The following PIK3R6 variants were observed in gnomAD, a reference collection of about 807,000 sequenced individuals.
The protein encoded by PIK3R6 is phosphoinositide 3-kinase regulatory subunit 6.
In PIK3R6, 91 loss-of-function variants were observed where a neutral mutation model predicts 84.9. The observed-to-expected ratio is 1.07, with a 90% CI of 0.90 to 1.28. PIK3R6 has a LOEUF of 1.28. PIK3R6 is among the 50% of genes most tolerant of loss of function. The pLI, the probability that PIK3R6 is intolerant of heterozygous loss-of-function variation, is 0.00. For missense variants in PIK3R6, 996 were observed against 985.1 expected (o/e 1.01, Z -0.15); for synonymous variants, 416 against 411.4 (o/e 1.01, Z -0.13).
chr17:8,826,598 A>G (rs1433119746), intron 13 of PIK3R6, among the ~76,000 whole-genome samples: 1 of 152,124 alleles, frequency 6.6e-6, no homozygotes, highest in African/African-American at 2.4e-5. Context: ...GGACACAGGG[A>G]GTGGAACATC....
At chr17:8,817,923 C>CA (rs2087596034) in intron 18 of PIK3R6, among the ~76,000 whole-genome samples, 2 of 142,522 alleles carry the variant, frequency 1.4e-5, no homozygotes, top group Admixed American at 7.0e-5. Context: ...TTTTTTTTTC[C>CA]TTTTTTTTTT....
intron 2 of PIK3R6, among the ~76,000 whole-genome samples, chr17:8,846,177 A>G (rs895207221): frequency 1.3e-5 from 2 of 152,146 alleles, no homozygotes; most frequent in African/African-American, 2.4e-5. Flanking sequence ...TCTTCTGCAT[A>G]TGGCTAGCCA....
chr17:8,837,989 G>C, intron 4 of PIK3R6, 118 bp from the exon 5 acceptor site: 1 of 814,882 alleles, frequency 1.2e-6, no homozygotes, highest in Non-Finnish European at 2.1e-6. Flanking sequence ...CAGGGGGAGA[G>C]CAAAGGGCCA....
intron 9 of PIK3R6, among the ~76,000 whole-genome samples, chr17:8,831,330 A>AAAC (rs1196981896): frequency 7.5e-6 from 1 of 133,152 alleles, no homozygotes; most frequent in African/African-American, 2.8e-5. Flanking sequence ...ACCCTGTCTA[A>AAAC]AAAAAAAAAA....
At position 8,839,861 on chromosome 17, in the gene PIK3R6, A is replaced by G. The variant is rs2088615616; in HGVS notation, c.14-164T>C. Among the ~76,000 whole-genome samples the G allele has an allele frequency of 6.6e-6, 1 of 152,218 alleles. No homozygotes were observed. The highest frequency in any genetic ancestry group is 1.5e-5 in the Non-Finnish European group (1 of 68,040). On this transcript the variant is annotated intron_variant, in intron 2 of 19. Coordinates refer to ENST00000619866, the MANE Select transcript of PIK3R6 (RefSeq NM_001010855.4). This position sits in a 1 kb window ranked among gnomAD's most constrained non-coding sequence, Gnocchi z 4.2. ...CCAGCATGCCAGCCAGGGCTGGAAT[A>G]TAGCCTTCCCTTCCACGTTTCTGTG... is the stretch of plus-strand genomic sequence containing the variant.
chr17:8,829,781 G>A lies in PIK3R6; in HGVS notation c.814C>T (p.Gln272Ter), dbSNP rs1368885185. Residue 272 changes from glutamine (Q) to a stop codon, truncating the protein, a stop_gained, in exon 10 of 20, where the codon CAA becomes TAA. Coordinates refer to ENST00000619866, the MANE Select transcript of PIK3R6 (RefSeq NM_001010855.4). LOFTEE classifies it high-confidence loss of function. ...AGGGGAATGCTTGGTGGCCGCTCTT[G>A]GACAAGGTCACCTGCAGAAAGGAGC... is the stretch of plus-strand genomic sequence containing the variant. Reference protein sequence around the residue: ...AAGRCGGDLVQERPPSIPLPS... With the variant: ...AAGRCGGDLV 1 of 1,551,488 alleles carries A rather than the reference G, an allele frequency of 6.4e-7. No homozygotes were observed. The highest frequency in any genetic ancestry group is 1.2e-5 in the South Asian group (1 of 84,034).
chr17:8,811,077 T>A (rs1213337932), intron 18 of PIK3R6, among the ~76,000 whole-genome samples: 1 of 148,832 alleles, frequency 6.7e-6, no homozygotes, highest in African/African-American at 2.5e-5. Context: ...TTTCCATATA[T>A]CCTCTGAAAT....
intron 17 of PIK3R6, 100 bp from the exon 18 acceptor site, chr17:8,819,298 A>G: frequency 1.3e-6 from 1 of 798,212 alleles, no homozygotes; most frequent in South Asian, 2.1e-5. Context: ...TGACACCCCC[A>G]GCCCTGTCAC....
At chr17:8,815,331 C>A (rs1178924626) in intron 18 of PIK3R6, among the ~76,000 whole-genome samples, 1 of 152,224 alleles carries the variant, frequency 6.6e-6, no homozygotes, top group South Asian at 2.1e-4. Flanking sequence ...CGTGGTGAAA[C>A]CCCATCTCTA....
intron 7 of PIK3R6, among the ~76,000 whole-genome samples, chr17:8,836,300 G>A (rs1306157578): frequency 6.6e-6 from 1 of 152,210 alleles, no homozygotes; most frequent in Non-Finnish European, 1.5e-5. Flanking sequence ...CTGCATGTGA[G>A]CAGGGTAGCT....
rs1226787867 is a variant in PIK3R6 at position 8,823,282 on chromosome 17, G to A, written c.1626+105C>T. The A allele has an allele frequency of 5.6e-6, 5 of 887,474 alleles. No homozygotes were observed. The African/African-American group carries it at 8.3e-5, about 15-fold the overall frequency. 55.0% of individuals were successfully genotyped at this position (887,474 alleles called of 1,614,324 possible). A position where few individuals can be genotyped will look rare whatever the true frequency, so the allele number is the denominator to read the frequency against. ...GTAACGTTAATAACCAAGAGCGTCT[G>A]GGTGTGTTCATGATTGGTGGCCTGG... On this transcript the variant is annotated intron_variant, in intron 14 of 19. Coordinates refer to ENST00000619866, the MANE Select transcript of PIK3R6 (RefSeq NM_001010855.4).
Position 8,804,024 on chromosome 17 carries a change from G to C in PIK3R6, c.2108+17C>G. The C allele has an allele frequency of 6.2e-7, 1 of 1,602,662 alleles. No individual in the cohort carries two copies. Among genetic ancestry groups the C allele is most frequent in the South Asian group, 1.1e-5 (1 of 90,750 alleles). On this transcript the variant is annotated intron_variant, in intron 19 of 19. Transcript: ENST00000619866. ...CCACGGGCCCTGGACATCTAGGGTT[G>C]GCAGGCCCAGCCTCACCTGACCACA...
Position 8,829,421 on chromosome 17 carries a change from GAC to G in PIK3R6, c.889+283_889+284del, listed in dbSNP as rs371742836. Reference sequence around the variant, plus strand: ...ATGCACACATACACACAGACACACTGACACACTCATGGATACACACACTGACA... The same window carrying G: ...ATGCACACATACACACAGACACACTGACACTCATGGATACACACACTGACA... On this transcript the variant is annotated intron_variant, in intron 10 of 19. Transcript: ENST00000619866. Among the ~76,000 whole-genome samples the G allele has an allele frequency of 9.2e-4, 124 of 134,126 alleles. 2 individuals carry two copies. The highest frequency in any genetic ancestry group is 2.6e-3 in the African/African-American group (88 of 34,332). The allele number at this position is 134,126 out of a possible 152,430, so 88.0% of individuals were successfully genotyped here. A position where few individuals can be genotyped will look rare whatever the true frequency, so the allele number is the denominator to read the frequency against.
intron 12 of PIK3R6, 96 bp downstream of exon 12, chr17:8,828,016 C>T (rs1174339495): frequency 2.3e-6 from 3 of 1,318,182 alleles, no homozygotes; most frequent in African/African-American, 2.9e-5. Flanking sequence ...ACTCTAGTCC[C>T]TGAGCCGGGG....
intron 2 of PIK3R6, among the ~76,000 whole-genome samples, chr17:8,840,666 AAT>A (rs964575764): frequency 1.4e-4 from 21 of 147,402 alleles, no homozygotes; most frequent in Admixed American, 8.2e-4. Context: ...ATATATATGA[AAT>A]ATATATATAT....
intron 1 of PIK3R6, among the ~76,000 whole-genome samples, chr17:8,860,095 TG>T (rs1195128836): frequency 6.6e-6 from 1 of 152,184 alleles, no homozygotes; most frequent in Non-Finnish European, 1.5e-5. Flanking sequence ...ACCATGCGTA[TG>T]GTAAAAATCT....
chr17:8,819,028 C>T (rs773297803), intron 18 of PIK3R6, 55 bp downstream of exon 18: 2 of 1,363,120 alleles, frequency 1.5e-6, no homozygotes, highest in Non-Finnish European at 1.0e-6. Context: ...GGCTCCCAGC[C>T]ACCTACTGCT....
intron 9 of PIK3R6, among the ~76,000 whole-genome samples, chr17:8,831,955 A>T (rs2088256574): frequency 6.6e-6 from 1 of 152,218 alleles, no homozygotes; most frequent in African/African-American, 2.4e-5. Context: ...GCCTTGCATA[A>T]GATAAGGCGT....
At chr17:8,864,683 G>A (rs999183158) in intron 1 of PIK3R6, among the ~76,000 whole-genome samples, 5 of 151,664 alleles carry the variant, frequency 3.3e-5, no homozygotes, top group African/African-American at 9.7e-5. Flanking sequence ...GACCACAGGC[G>A]CCCGCCACCA....
Sources: allele counts gnomAD v4.1 joint callset (sites outside exome capture counted in the v4.1 genomes callset), GRCh38; gene constraint gnomAD v4.1.1; non-coding constraint Gnocchi (gnomAD v3.1); transcripts MANE v1.5; gene names NCBI Gene and HGNC (gene_info 2026-07-23, HGNC 2026-07-21).